Variants in CDH13 observed in about 807,000 individuals in gnomAD.
CDH13 encodes the protein cadherin 13.
CDH13 carries 24 observed loss-of-function variants against 63.8 expected under a neutral mutation model. The ratio of observed to expected loss-of-function variants is 0.38; its 90% CI spans 0.27 to 0.53. The LOEUF is 0.53. Among genes scored for constraint, CDH13 ranks in the 20% least tolerant of loss-of-function variants. CDH13 has a pLI of 0.85. For synonymous variants in CDH13, 503 were observed against 355.3 expected (o/e 1.42, Z -4.67); for missense variants, 1,049 against 903.1 (o/e 1.16, Z -2.07).
intron 4 of CDH13, among the ~76,000 whole-genome samples, chr16:83,174,752 C>G (rs141473792): frequency 2.6e-5 from 4 of 152,228 alleles, no homozygotes; most frequent in African/African-American, 9.6e-5. Flanking sequence ...ACTCACATTT[C>G]TACATGGTTG....
At chr16:83,231,688 G>C (rs1442422710) in intron 5 of CDH13, among the ~76,000 whole-genome samples, 1 of 152,156 alleles carries the variant, frequency 6.6e-6, no homozygotes, top group Non-Finnish European at 1.5e-5. Flanking sequence ...AGTTGTCAGA[G>C]TGTGGCCTGC....
chr16:83,537,958 T>C (rs955232086), intron 7 of CDH13, among the ~76,000 whole-genome samples: 4 of 152,246 alleles, frequency 2.6e-5, no homozygotes, highest in African/African-American at 9.6e-5. Flanking sequence ...GGAAGTCTGT[T>C]TCCTTTCCCA....
intron 3 of CDH13, among the ~76,000 whole-genome samples, chr16:83,073,354 TGAGAGAGA>T (rs58505161): frequency 0.1 from 14,630 of 139,678 alleles, 880 homozygotes; most frequent in Non-Finnish European, 0.14. Context: ...TGTGTGTGTG[TGAGAGAGA>T]GAGAGAGAGA....
In CDH13 at chr16:82,802,195, C is replaced by T. The variant is rs560803361; in HGVS notation, c.46-56167C>T. Among the ~76,000 whole-genome samples the T allele has an allele frequency of 2.0e-5, 3 of 152,208 alleles. No individual in the cohort carries two copies. The South Asian group carries it at 6.2e-4, about 32-fold the overall frequency. The stretch of plus-strand genomic sequence containing the variant: ...GCCAAGAGAGGAGGCCAAGCATGCT[C>T]CAGTGGCCGCAGAAAGTCCTCAGCA... On this transcript the variant is annotated intron_variant, in intron 1 of 13. Transcript: ENST00000567109.
chr16:83,479,011 G>C (rs183980171), intron 6 of CDH13, among the ~76,000 whole-genome samples: 1 of 152,090 alleles, frequency 6.6e-6, no homozygotes, highest in Admixed American at 6.5e-5. Context: ...CCTGCCAAAC[G>C]TGGGCTGCCT....
At chr16:83,448,961 G>A (rs1177410183) in intron 6 of CDH13, among the ~76,000 whole-genome samples, 2 of 152,290 alleles carry the variant, frequency 1.3e-5, no homozygotes, top group South Asian at 2.1e-4. Context: ...ATTACAGAAA[G>A]AAGTCAAGTG....
At chr16:83,651,155 C>A (rs912814590) in intron 8 of CDH13, among the ~76,000 whole-genome samples, 3 of 151,880 alleles carry the variant, frequency 2.0e-5, no homozygotes, top group Admixed American at 6.6e-5. Context: ...ATAAGAGACC[C>A]CTAGCTCTAA....
At chr16:83,364,242 A>G (rs1282817520) in intron 6 of CDH13, among the ~76,000 whole-genome samples, 1 of 151,982 alleles carries the variant, frequency 6.6e-6, no homozygotes, top group Non-Finnish European at 1.5e-5. Context: ...TGGCAGACAG[A>G]TTTTCTGCCT....
intron 2 of CDH13, among the ~76,000 whole-genome samples, chr16:83,006,574 C>A (rs1913521346): frequency 6.6e-6 from 1 of 152,082 alleles, no homozygotes; most frequent in Non-Finnish European, 1.5e-5. Flanking sequence ...TGCTCCTTGT[C>A]CACAGCCCAT....
chr16:83,429,672 A>C (rs2072033075), intron 6 of CDH13, among the ~76,000 whole-genome samples: 1 of 152,232 alleles, frequency 6.6e-6, no homozygotes, highest in Non-Finnish European at 1.5e-5. Context: ...ATCTTTCCTT[A>C]GAACTTGTGC....
intron 2 of CDH13, among the ~76,000 whole-genome samples, chr16:82,906,665 G>C (rs1444944274): frequency 6.6e-6 from 1 of 152,152 alleles, no homozygotes; most frequent in African/African-American, 2.4e-5. Context: ...TAAAACAACA[G>C]AAATGTGTTT....
intron 2 of CDH13, among the ~76,000 whole-genome samples, chr16:82,876,082 G>A (rs1467527005): frequency 3.9e-5 from 6 of 152,180 alleles, no homozygotes; most frequent in Non-Finnish European, 8.8e-5. Flanking sequence ...CACGAGAACA[G>A]TACAGGAAAG....
intron 1 of CDH13, among the ~76,000 whole-genome samples, chr16:82,852,854 C>G (rs187827543): frequency 1.1e-4 from 16 of 152,256 alleles, no homozygotes; most frequent in African/African-American, 2.6e-4. Flanking sequence ...CTGGCCACAT[C>G]CATCCCTTAT....
intron 5 of CDH13, among the ~76,000 whole-genome samples, chr16:83,256,873 TC>T (rs1906358967): frequency 6.8e-6 from 1 of 146,224 alleles, no homozygotes; most frequent in South Asian, 2.2e-4. Flanking sequence ...AAAAAATAGT[TC>T]CCAGGCCCCT....
chr16:83,594,117 C>T (rs1264591463), intron 7 of CDH13, among the ~76,000 whole-genome samples: 1 of 152,328 alleles, frequency 6.6e-6, no homozygotes. Flanking sequence ...CTTCCAAGTT[C>T]ACTCAGTGGC....
intron 7 of CDH13, among the ~76,000 whole-genome samples, chr16:83,493,669 G>C (rs117428372): frequency 6.6e-6 from 1 of 152,146 alleles, no homozygotes; most frequent in South Asian, 2.1e-4. Context: ...AAAGGGCAGG[G>C]AGTTTGAACA....
intron 10 of CDH13, among the ~76,000 whole-genome samples, chr16:83,708,586 C>G (rs1201411983): frequency 1.3e-5 from 2 of 152,228 alleles, no homozygotes; most frequent in East Asian, 3.8e-4. Flanking sequence ...GTAACGCCCA[C>G]ACCGCCTCCA....
At chr16:83,339,116 A>T (rs1254321405) in intron 5 of CDH13, among the ~76,000 whole-genome samples, 1 of 151,984 alleles carries the variant, frequency 6.6e-6, no homozygotes, top group Non-Finnish European at 1.5e-5. Flanking sequence ...GTTGAGGGGG[A>T]TGGAGAGAAA....
chr16:83,496,108 C>T (rs373679346), intron 7 of CDH13, among the ~76,000 whole-genome samples: 1 of 151,830 alleles, frequency 6.6e-6, no homozygotes, highest in African/African-American at 2.4e-5. Context: ...AGATTCAGTG[C>T]CATCCCCATC....
Sources: allele counts gnomAD v4.1 joint callset (sites outside exome capture counted in the v4.1 genomes callset), GRCh38; gene constraint gnomAD v4.1.1; transcripts MANE v1.5; gene names NCBI Gene and HGNC (gene_info 2026-07-23, HGNC 2026-07-21).